FAM53A: variants seen among roughly 807,000 people sequenced by gnomAD.
The protein encoded by FAM53A is protein FAM53A.
In FAM53A, 28 loss-of-function variants were observed where a neutral mutation model predicts 26.6. The ratio of observed to expected loss-of-function variants is 1.05; its 90% CI spans 0.78 to 1.45. The LOEUF is 1.45. Ranked by LOEUF, FAM53A falls within the 40% of genes most tolerant of loss-of-function variation. The pLI is 0.00. For synonymous variants in FAM53A, 290 were observed against 253.1 expected, an observed-to-expected ratio of 1.15 and a Z score of -1.38; for missense variants, 650 against 575.8, an observed-to-expected ratio of 1.13 and a Z score of -1.32.
chr4:1,609,388 G>C, the FAM53A span, among the ~76,000 whole-genome samples: 1 of 152,152 alleles, frequency 6.6e-6, no homozygotes, highest in African/African-American at 2.4e-5. Context: ...GATATGGTTT[G>C]GCTGTGTCCC....
the FAM53A span, among the ~76,000 whole-genome samples, chr4:1,608,198 G>GC: frequency 3.1e-5 from 4 of 129,094 alleles, no homozygotes; most frequent in African/African-American, 1.2e-4. Flanking sequence ...TGCCCCTATG[G>GC]CCCCCCTGGT....
chr4:1,604,409 C>T, the FAM53A span, among the ~76,000 whole-genome samples: 24 of 152,264 alleles, frequency 1.6e-4, no homozygotes, highest in Non-Finnish European at 2.5e-4. Flanking sequence ...TGGAATTGGA[C>T]CCTGGACAGG....
intron 4 of FAM53A, among the ~76,000 whole-genome samples, chr4:1,645,668 A>G (rs1278857625): frequency 6.6e-6 from 1 of 152,220 alleles, no homozygotes; most frequent in East Asian, 1.9e-4. Flanking sequence ...GGAGGTATGG[A>G]GTGAGTGCCC....
At chr4:1,643,859 G>A (rs78931843) in intron 4 of FAM53A, among the ~76,000 whole-genome samples, 2,376 of 152,210 alleles carry the variant, frequency 0.016, 20 homozygotes, top group Middle Eastern at 0.041. Context: ...GAGCCACCAC[G>A]CCCAGCCCCA....
At chr4:1,654,944 C>G in intron 4 of FAM53A, 34 bp downstream of exon 4, 1 of 1,494,626 alleles carries the variant, frequency 6.7e-7, no homozygotes, top group Non-Finnish European at 8.9e-7. Context: ...CAGATCTACG[C>G]CCCTCTGAGC....
At chr4:1,580,839 C>G in the FAM53A span, among the ~76,000 whole-genome samples, 2 of 109,044 alleles carry the variant, frequency 1.8e-5, no homozygotes, top group Non-Finnish European at 3.8e-5. Flanking sequence ...AGGTCCCCCC[C>G]TCTAACCTGG....
chr4:1,623,476 G>A (rs1042799043), intron 1 of FAM53A, among the ~76,000 whole-genome samples: 4 of 152,164 alleles, frequency 2.6e-5, no homozygotes, highest in Non-Finnish European at 4.4e-5. Context: ...CGCTTTCACC[G>A]GATGGCCACC....
At chr4:1,626,228 G>C (rs540708341) in intron 1 of FAM53A, among the ~76,000 whole-genome samples, 5 of 152,176 alleles carry the variant, frequency 3.3e-5, no homozygotes, top group Admixed American at 3.3e-4. Context: ...GTAGGGGTCA[G>C]GCCGGACCTT....
At chr4:1,610,260 TTC>T in the FAM53A span, among the ~76,000 whole-genome samples, 1 of 151,766 alleles carries the variant, frequency 6.6e-6, no homozygotes, top group Admixed American at 6.6e-5. Flanking sequence ...CACCAAGAAT[TTC>T]TCCTCCCCTG....
chr4:1,666,413 C>A (rs1276786810), intron 2 of FAM53A, among the ~76,000 whole-genome samples: 2 of 148,924 alleles, frequency 1.3e-5, no homozygotes, highest in Non-Finnish European at 3.0e-5. Context: ...TGCACCTGTA[C>A]CCCCCTGTAT....
At chr4:1,678,805 A>C (rs562441356) in intron 1 of FAM53A, among the ~76,000 whole-genome samples, 1 of 151,982 alleles carries the variant, frequency 6.6e-6, no homozygotes, top group African/African-American at 2.4e-5. Context: ...CTGGGCAACA[A>C]AGCAAGACTC....
At chr4:1,621,356 G>A (rs567355780) in intron 1 of FAM53A, among the ~76,000 whole-genome samples, 6 of 152,134 alleles carry the variant, frequency 3.9e-5, no homozygotes, top group East Asian at 3.9e-4. Context: ...CACCCGCCTC[G>A]GCCTCCCAAA....
At chr4:1,589,135 G>T in the FAM53A span, among the ~76,000 whole-genome samples, 1 of 152,142 alleles carries the variant, frequency 6.6e-6, no homozygotes, top group African/African-American at 2.4e-5. Flanking sequence ...GGTAGCTTTT[G>T]ATCAAGTTAA....
the FAM53A span, among the ~76,000 whole-genome samples, chr4:1,578,455 G>C: frequency 6.6e-6 from 1 of 151,814 alleles, no homozygotes; most frequent in Admixed American, 6.5e-5. Flanking sequence ...CGCGAGCGTT[G>C]GCGTGAGAGC....
chr4:1,669,987 C>T (rs997595328), intron 1 of FAM53A, among the ~76,000 whole-genome samples: 2 of 152,200 alleles, frequency 1.3e-5, no homozygotes, highest in African/African-American at 2.4e-5. Context: ...GACAGGACGC[C>T]AAAGCCCAGG....
At chr4:1,644,509 A>AC (rs1330040473) in intron 4 of FAM53A, 1 of 884,348 alleles carries the variant, frequency 1.1e-6, no homozygotes, top group East Asian at 2.7e-5. Context: ...GACGGTGGAA[A>AC]CCGAGGCCCA....
chr4:1,622,212 C>A (rs755353347), intron 1 of FAM53A, among the ~76,000 whole-genome samples: 33 of 152,324 alleles, frequency 2.2e-4, no homozygotes, highest in Non-Finnish European at 4.4e-4. Flanking sequence ...GAGGCAGGAC[C>A]CGGAGTCACA....
chr4:1,673,827 G>A (rs184254963), intron 1 of FAM53A, among the ~76,000 whole-genome samples: 1 of 152,396 alleles, frequency 6.6e-6, no homozygotes, highest in Non-Finnish European at 1.5e-5. Context: ...CAAGGCAGCA[G>A]CTCTGGCACG....
intron 4 of FAM53A, among the ~76,000 whole-genome samples, chr4:1,651,178 T>C (rs571037873): frequency 6.9e-6 from 1 of 145,846 alleles, no homozygotes. Flanking sequence ...GATCACACCA[T>C]TGTTCCATTG....
Sources: gnomAD v4.1 joint callset for allele counts (sites outside exome capture counted in the v4.1 genomes callset) on GRCh38, gnomAD v4.1.1 for gene constraint, MANE v1.5 for transcripts, NCBI Gene and HGNC (gene_info 2026-07-23, HGNC 2026-07-21) for gene names.